SDK1: variants seen among roughly 807,000 people sequenced by gnomAD.
SDK1 encodes sidekick cell adhesion molecule 1, also known as protein sidekick-1.
In SDK1, 157 loss-of-function variants were observed where a neutral mutation model predicts 245.5. That is an observed-to-expected ratio of 0.64 (90% CI 0.56 to 0.73). The LOEUF is 0.73. Among genes scored for constraint, SDK1 ranks in the 30% least tolerant of loss-of-function variants. SDK1 has a pLI of 0.00. For missense variants in SDK1, 3,583 were observed against 3,002.3 expected, an observed-to-expected ratio of 1.19 and a Z score of -4.52; for synonymous variants, 1,647 against 1,278.5, an observed-to-expected ratio of 1.29 and a Z score of -6.15.
At chr7:4,071,814 C>G (rs900693056) in intron 20 of SDK1, among the ~76,000 whole-genome samples, 4 of 152,202 alleles carry the variant, frequency 2.6e-5, no homozygotes, top group Admixed American at 6.5e-5. Context: ...GAATTCTGGC[C>G]TACCGTCTGC....
chr7:3,349,670 G>A (rs1780605263), intron 1 of SDK1, among the ~76,000 whole-genome samples: 1 of 152,106 alleles, frequency 6.6e-6, no homozygotes, highest in African/African-American at 2.4e-5. Flanking sequence ...TAAGATCTCG[G>A]CTCACTGCAA....
rs1429565118 is a variant in SDK1 at position 3,716,712 on chromosome 7, C to T, written c.713+74607C>T. Among the ~76,000 whole-genome samples the T allele has an allele frequency of 5.3e-5, 8 of 150,042 alleles. No individual in the cohort carries two copies. In the South Asian group the frequency reaches 1.5e-3, roughly 28 times the overall value. Reference sequence around the variant, plus strand: ...AGGTCAGTGCTGCAGTGAGCTATTACGGCGCCATTGCACTTCAGCCTGGGT... The same window carrying T: ...AGGTCAGTGCTGCAGTGAGCTATTATGGCGCCATTGCACTTCAGCCTGGGT... On this transcript the variant is annotated intron_variant, in intron 4 of 44. Transcript: ENST00000404826.
At chr7:3,482,419 A>G (rs1291819775) in intron 1 of SDK1, among the ~76,000 whole-genome samples, 1 of 152,166 alleles carries the variant, frequency 6.6e-6, no homozygotes, top group East Asian at 1.9e-4. Flanking sequence ...TAGGCAATAA[A>G]GCCCATGGTT....
intron 1 of SDK1, among the ~76,000 whole-genome samples, chr7:3,554,635 T>C (rs1441271113): frequency 2.0e-5 from 3 of 152,188 alleles, no homozygotes; most frequent in Non-Finnish European, 2.9e-5. Flanking sequence ...TTTAGCATCA[T>C]ACTAAGGAAA....
chr7:4,191,623 G>A (rs1388181004), intron 35 of SDK1, among the ~76,000 whole-genome samples: 4 of 152,242 alleles, frequency 2.6e-5, no homozygotes, highest in East Asian at 1.9e-4. Context: ...CTGCTCCCCC[G>A]AAGCGTGAGC....
intron 30 of SDK1, 51 bp from the exon 31 acceptor site, chr7:4,158,397 G>A (rs1281635007): frequency 6.9e-7 from 1 of 1,445,578 alleles, no homozygotes; most frequent in Admixed American, 1.7e-5. Context: ...ATGCCTGAGG[G>A]CAGGACAGGG....
chr7:3,831,893 C>CA (rs148524390), intron 5 of SDK1, among the ~76,000 whole-genome samples: 3,003 of 151,506 alleles, frequency 0.02, 59 homozygotes, highest in Non-Finnish European at 0.023. Flanking sequence ...ACAACAAAAA[C>CA]AAAAAAAACG....
intron 4 of SDK1, among the ~76,000 whole-genome samples, chr7:3,692,183 CAA>C (rs1784456101): frequency 1.3e-5 from 2 of 152,036 alleles, no homozygotes; most frequent in Non-Finnish European, 1.5e-5. Flanking sequence ...AACATAATTT[CAA>C]GTTTCCATTT....
At chr7:3,500,161 G>T (rs1422743470) in intron 1 of SDK1, among the ~76,000 whole-genome samples, 1 of 152,020 alleles carries the variant, frequency 6.6e-6, no homozygotes, top group Admixed American at 6.6e-5. Flanking sequence ...GCCGAAATGT[G>T]GGCCTATTCT....
rs189111481 is a variant in SDK1, at chr7:3,512,312, G to T, written c.299-106768G>T. 1.6e-3 allele frequency among the ~76,000 whole-genome samples: 243 copies of T among 152,226 alleles called. 1 individual carries two copies. Among genetic ancestry groups the T allele is most frequent in the African/African-American group, 5.4e-3 (225 of 41,542 alleles). On this transcript the variant is annotated intron_variant, in intron 1 of 44. Coordinates refer to ENST00000404826, the MANE Select transcript of SDK1 (RefSeq NM_152744.4). Reference sequence around the variant, plus strand: ...TTGTTTGATAACTCACTTGTTTTCAGTGCTGAGTAATATTCCATTGTGTGG... The same window carrying T: ...TTGTTTGATAACTCACTTGTTTTCATTGCTGAGTAATATTCCATTGTGTGG...
At chr7:3,561,242 A>C (rs999503352) in intron 1 of SDK1, among the ~76,000 whole-genome samples, 4 of 152,106 alleles carry the variant, frequency 2.6e-5, no homozygotes, top group African/African-American at 9.7e-5. Flanking sequence ...TTTTTCTTCA[A>C]GGGCAGGGGG....
At chr7:3,664,826 G>A (rs1383355247) in intron 4 of SDK1, among the ~76,000 whole-genome samples, 1 of 151,878 alleles carries the variant, frequency 6.6e-6, no homozygotes, top group Non-Finnish European at 1.5e-5. Flanking sequence ...CTAATAACTT[G>A]GCATCTTTCT....
At chr7:3,953,272 A>T (rs981206737) in intron 7 of SDK1, among the ~76,000 whole-genome samples, 7 of 152,216 alleles carry the variant, frequency 4.6e-5, no homozygotes, top group Non-Finnish European at 8.8e-5. Context: ...TTTAATCATT[A>T]GGAAATGACT....
At chr7:3,905,834 G>A (rs947802220) in intron 5 of SDK1, among the ~76,000 whole-genome samples, 1 of 152,006 alleles carries the variant, frequency 6.6e-6, no homozygotes, top group Non-Finnish European at 1.5e-5. Context: ...ATGTTGCCCA[G>A]GCTGGTCTTG....
At chr7:3,773,143 CCT>C (rs1780450556) in intron 4 of SDK1, among the ~76,000 whole-genome samples, 1 of 151,964 alleles carries the variant, frequency 6.6e-6, no homozygotes, top group African/African-American at 2.4e-5. Flanking sequence ...GTTCTTTCTC[CCT>C]CTCTTCTTTT....
intron 1 of SDK1, among the ~76,000 whole-genome samples, chr7:3,562,632 A>C (rs561935576): frequency 6.6e-6 from 1 of 152,226 alleles, no homozygotes; most frequent in South Asian, 2.1e-4. Context: ...TTTTAAAACT[A>C]TTTTTTCTAA....
chr7:3,574,693 G>A (rs184496725), intron 1 of SDK1, among the ~76,000 whole-genome samples: 1 of 152,040 alleles, frequency 6.6e-6, no homozygotes, highest in Non-Finnish European at 1.5e-5. Flanking sequence ...TAAAGTAGCT[G>A]ATGGAATACT....
At chr7:3,737,628 G>C (rs1312920728) in intron 4 of SDK1, among the ~76,000 whole-genome samples, 1 of 152,202 alleles carries the variant, frequency 6.6e-6, no homozygotes, top group Non-Finnish European at 1.5e-5. Context: ...TCCACTGGCA[G>C]GGATTTGGTG....
intron 1 of SDK1, among the ~76,000 whole-genome samples, chr7:3,561,141 C>T (rs1021464522): frequency 7.2e-5 from 11 of 152,240 alleles, no homozygotes; most frequent in South Asian, 6.2e-4. Context: ...GAGAAAGGCA[C>T]CTGTTACCTA....
Sources: allele counts gnomAD v4.1 joint callset (sites outside exome capture counted in the v4.1 genomes callset), GRCh38; gene constraint gnomAD v4.1.1; transcripts MANE v1.5; gene names NCBI Gene and HGNC (gene_info 2026-07-23, HGNC 2026-07-21).